Variants in RSU1 observed in about 807,000 individuals in gnomAD.
RSU1 encodes Ras suppressor protein 1, also known as rsu-1.
In RSU1, 26 loss-of-function variants were observed where a neutral mutation model predicts 31.1. That is an observed-to-expected ratio of 0.84 (90% CI 0.61 to 1.16). RSU1 has a LOEUF of 1.16. RSU1 is among the 50% of genes most tolerant of loss of function. RSU1 has a pLI of 0.00. For synonymous variants in RSU1, 164 were observed against 136.3 expected, an observed-to-expected ratio of 1.20 and a Z score of -1.41; for missense variants, 320 against 339.1, an observed-to-expected ratio of 0.94 and a Z score of 0.44.
intron 2 of RSU1, among the ~76,000 whole-genome samples, chr10:16,807,319 G>A (rs1039351355): frequency 1.3e-5 from 2 of 152,162 alleles, no homozygotes; most frequent in Non-Finnish European, 2.9e-5. Context: ...AGAAACGGAT[G>A]AAATAAGAAG....
At chr10:16,773,914 T>A (rs1359989385) in intron 3 of RSU1, among the ~76,000 whole-genome samples, 3 of 151,858 alleles carry the variant, frequency 2.0e-5, no homozygotes, top group Admixed American at 6.6e-5. Flanking sequence ...GAACAAAGAA[T>A]AGATAGGCAG....
Position 16,734,619 on chromosome 10 carries a change from A to C in RSU1, c.598+17920T>G, listed in dbSNP as rs1042195443. On this transcript the variant is annotated intron_variant, in intron 7 of 8. Coordinates refer to ENST00000345264, the MANE Select transcript of RSU1 (RefSeq NM_012425.4). ...AAAGATTTCTGAAAAGATGAAAAAT[A>C]ATGGCTTAAGGTAACTTGACTTATT... Among the ~76,000 whole-genome samples, 4 of 152,370 alleles carry C rather than the reference A, an allele frequency of 2.6e-5. 1 individual carries two copies. The East Asian group carries it at 5.8e-4, about 22-fold the overall frequency.
At chr10:16,809,330 C>T (rs560203854) in intron 2 of RSU1, among the ~76,000 whole-genome samples, 6 of 152,158 alleles carry the variant, frequency 3.9e-5, no homozygotes, top group Non-Finnish European at 7.3e-5. Context: ...CTGTAACATA[C>T]GTGAGATTTC....
At chr10:16,658,902 C>T (rs1326258064) in intron 8 of RSU1, among the ~76,000 whole-genome samples, 1 of 152,286 alleles carries the variant, frequency 6.6e-6, no homozygotes, top group South Asian at 2.1e-4. Flanking sequence ...GCTCCGTATC[C>T]TTGCCCACAA....
intron 8 of RSU1, among the ~76,000 whole-genome samples, chr10:16,616,205 C>T (rs1375533504): frequency 3.3e-5 from 5 of 151,868 alleles, no homozygotes; most frequent in Non-Finnish European, 5.9e-5. Flanking sequence ...ATACAAACTA[C>T]CATCAGAATA....
intron 8 of RSU1, among the ~76,000 whole-genome samples, chr10:16,602,864 A>C (rs1227146220): frequency 6.6e-6 from 1 of 152,208 alleles, no homozygotes; most frequent in Non-Finnish European, 1.5e-5. Context: ...AGATCTGTGG[A>C]CAAAGTGTGA....
chr10:16,654,664 A>C (rs1330888371), intron 8 of RSU1, among the ~76,000 whole-genome samples: 1 of 145,410 alleles, frequency 6.9e-6, no homozygotes, highest in African/African-American at 2.6e-5. Context: ...GTGAGACTCC[A>C]TCTCAAAAAC....
At chr10:16,808,588 A>C (rs1305208318) in intron 2 of RSU1, among the ~76,000 whole-genome samples, 1 of 151,946 alleles carries the variant, frequency 6.6e-6, no homozygotes, top group Non-Finnish European at 1.5e-5. Context: ...TTTCTCATCT[A>C]TAAAATGCTG....
intron 8 of RSU1, among the ~76,000 whole-genome samples, chr10:16,671,107 C>T (rs778956350): frequency 6.6e-6 from 1 of 152,130 alleles, no homozygotes; most frequent in Non-Finnish European, 1.5e-5. Flanking sequence ...AATGAAAGAA[C>T]CTTGTGGTAG....
At chr10:16,678,407 CT>C (rs763225872) in intron 8 of RSU1, among the ~76,000 whole-genome samples, 1 of 152,230 alleles carries the variant, frequency 6.6e-6, no homozygotes, top group Non-Finnish European at 1.5e-5. Context: ...GAGAAACCTT[CT>C]CTCAAGCTGT....
rs563806552 is a variant in RSU1, at chr10:16,718,988, A to G, written c.599-23833T>C. Among the ~76,000 whole-genome samples, 5 of 151,676 alleles carry G rather than the reference A, an allele frequency of 3.3e-5. No homozygotes were observed. The East Asian group carries it at 9.7e-4, about 30-fold the overall frequency. On this transcript the variant is annotated intron_variant, in intron 7 of 8. Coordinates refer to ENST00000345264, the MANE Select transcript of RSU1 (RefSeq NM_012425.4). ...AGAGAGTGAAACTTCATCTCAAAAA[A>G]AAAAAAAAAAAATTATGTTGGCTGG...
intron 8 of RSU1, among the ~76,000 whole-genome samples, chr10:16,619,510 G>A (rs954955631): frequency 3.9e-5 from 6 of 152,332 alleles, no homozygotes; most frequent in Admixed American, 3.9e-4. Flanking sequence ...AACAGAAACA[G>A]AGGGAATGAA....
At chr10:16,753,740 C>T (rs74574452) in intron 5 of RSU1, among the ~76,000 whole-genome samples, 19 of 152,156 alleles carry the variant, frequency 1.2e-4, no homozygotes, top group African/African-American at 4.6e-4. Flanking sequence ...ACCAAAAAAG[C>T]TGAGTATAAT....
At chr10:16,608,711 T>C (rs1266644684) in intron 8 of RSU1, among the ~76,000 whole-genome samples, 1 of 151,760 alleles carries the variant, frequency 6.6e-6, no homozygotes, top group Non-Finnish European at 1.5e-5. Context: ...TTGAACTCCA[T>C]CTCCTCTTTT....
At chr10:16,610,677 A>G (rs1407776350) in intron 8 of RSU1, among the ~76,000 whole-genome samples, 1 of 152,170 alleles carries the variant, frequency 6.6e-6, no homozygotes, top group Non-Finnish European at 1.5e-5. Flanking sequence ...ATTATGGTGT[A>G]CTGTATATTT....
At chr10:16,651,835 T>C (rs1834688847) in intron 8 of RSU1, among the ~76,000 whole-genome samples, 1 of 152,146 alleles carries the variant, frequency 6.6e-6, no homozygotes, top group Non-Finnish European at 1.5e-5. Context: ...TGACTTAAAA[T>C]AACAGACATA....
chr10:16,730,538 T>C (rs1836487126), intron 7 of RSU1, among the ~76,000 whole-genome samples: 1 of 152,104 alleles, frequency 6.6e-6, no homozygotes, highest in Non-Finnish European at 1.5e-5. Context: ...TGACCCCACA[T>C]TCAGGAGAGA....
intron 8 of RSU1, among the ~76,000 whole-genome samples, chr10:16,656,123 G>C (rs1419104952): frequency 2.0e-5 from 3 of 152,010 alleles, no homozygotes; most frequent in African/African-American, 7.2e-5. Flanking sequence ...ATAATAATTA[G>C]AGAAAAATTA....
chr10:16,627,239 A>G (rs771392008), intron 8 of RSU1, among the ~76,000 whole-genome samples: 5 of 152,254 alleles, frequency 3.3e-5, no homozygotes, highest in Admixed American at 6.5e-5. Context: ...GCCAGAAACA[A>G]GTAACTTATA....
Sources: allele counts gnomAD v4.1 joint callset (sites outside exome capture counted in the v4.1 genomes callset), GRCh38; gene constraint gnomAD v4.1.1; transcripts MANE v1.5; gene names NCBI Gene and HGNC (gene_info 2026-07-23, HGNC 2026-07-21).